WARS1: variants seen among roughly 807,000 people sequenced by gnomAD.
WARS1 encodes the protein tryptophan--tRNA ligase, cytoplasmic.
A neutral mutation model predicts 47.8 loss-of-function variants in WARS1; 17 were observed. The observed-to-expected ratio is 0.36, with a 90% CI of 0.24 to 0.53. The LOEUF is 0.53. Among genes scored for constraint, WARS1 ranks in the 20% least tolerant of loss-of-function variants. WARS1 has a pLI of 0.91. For synonymous variants in WARS1, 208 were observed against 228.1 expected, an observed-to-expected ratio of 0.91 and a Z score of 0.79; for missense variants, 434 against 608.0, an observed-to-expected ratio of 0.71 and a Z score of 3.01.
At chr14:100,350,399 G>GAAAAAAAAAAAAAA (rs56393656) in intron 6 of WARS1, among the ~76,000 whole-genome samples, 2 of 112,134 alleles carry the variant, frequency 1.8e-5, no homozygotes, top group Admixed American at 1.1e-4. Flanking sequence ...CTCAAAAAAA[G>GAAAAAAAAAAAAAA]AAAAAAAAAA....
intron 6 of WARS1, among the ~76,000 whole-genome samples, chr14:100,351,361 T>C (rs1282618791): frequency 6.6e-6 from 1 of 152,086 alleles, no homozygotes; most frequent in African/African-American, 2.4e-5. Flanking sequence ...ATGAAAATTA[T>C]ACTAACACGG....
rs138608809 is a variant in WARS1, at chr14:100,373,906, A to T, written c.-74+1377T>A. On this transcript the variant is annotated intron_variant, in intron 1 of 10. Coordinates refer to ENST00000392882, the MANE Select transcript of WARS1 (RefSeq NM_004184.4). This position sits in a 1 kb window ranked among gnomAD's most constrained non-coding sequence, Gnocchi z 4.4. ...GTGTGGTCAGAGACAAGGAGAATGG[A>T]ACTACCATCTTCCTCATTTCACGCA... The T allele has an allele frequency of 2.6e-5, 4 of 151,760 alleles. No individual in the cohort carries two copies. Among genetic ancestry groups the T allele is most frequent in the African/African-American group, 9.7e-5 (4 of 41,312 alleles). 9.4% of individuals were successfully genotyped at this position (151,760 alleles called of 1,614,324 possible).
In WARS1 at chr14:100,361,861, C is replaced by A. The variant is rs2234521; in HGVS notation, c.160G>T (p.Ala54Ser). ...VSLKMSYKAA[A>S]GEDYKADCPP... is the part of the protein sequence containing the mutation. ...CAGTCAGCCTTGTAATCCTCCCCCG[C>A]GGCAGCTTTGTAGCTCATTTTTAAT... The change falls in exon 3 of 11, where the codon GCG becomes TCG. Residue 54 changes from alanine to serine, a missense_variant. Ala to Ser is a moderately conservative substitution (Grantham distance 99). This residue lies in a region of WARS1 where 87 missense variants were observed against 84.2 expected (regional missense o/e 1.03). Coordinates refer to ENST00000392882, the MANE Select transcript of WARS1 (RefSeq NM_004184.4). 471 of 1,614,174 alleles carry A rather than the reference C, an allele frequency of 2.9e-4. 2 individuals carry two copies. The East Asian group carries it at 7.5e-3, about 26-fold the overall frequency.
At chr14:100,368,309 C>A in intron 2 of WARS1, 2 of 387,896 alleles carry the variant, frequency 5.2e-6, no homozygotes, top group South Asian at 1.9e-5. Context: ...TCATTCTATC[C>A]GTGATGGTTC....
chr14:100,356,870 G>A lies in WARS1; in HGVS notation c.423-2304C>T, dbSNP rs369414154. 5.9e-5 allele frequency among the ~76,000 whole-genome samples: 9 copies of A among 152,250 alleles called. No individual in the cohort carries two copies. The East Asian group carries it at 1.2e-3, about 20-fold the overall frequency. On this transcript the variant is annotated intron_variant, in intron 4 of 10. Transcript: ENST00000392882. Reference sequence around the variant, plus strand: ...ACCAATATCCCTTATGAACACAGATGTAAAAATCCTCAGCAACTCACAAAC... The same window carrying A: ...ACCAATATCCCTTATGAACACAGATATAAAAATCCTCAGCAACTCACAAAC...
At chr14:100,366,755 C>T in intron 2 of WARS1, 1 of 929,734 alleles carries the variant, frequency 1.1e-6, no homozygotes, top group Non-Finnish European at 1.8e-6. Context: ...GCTAAGGGAT[C>T]CGTGGGGCCA....
At chr14:100,337,342 G>A (rs542044369) in intron 9 of WARS1, 140 bp from the exon 10 acceptor site, 80 of 1,272,952 alleles carry the variant, frequency 6.3e-5, no homozygotes, top group East Asian at 2.9e-4. Flanking sequence ...GCGCACAGCC[G>A]GTTGGGGGCG....
rs765085014 is a variant in WARS1, at chr14:100,342,509, C to A, written c.1002G>T (p.Leu334=). The change falls in exon 9 of 11, where the codon CTG becomes CTT. Residue 334 remains leucine (L), a synonymous_variant. Transcript: ENST00000392882. The part of the protein sequence containing the change: ...APRIGYPKPA[L]LHSTFFPALQ... ...GGGCTGGGAAGAAGGTGGAGTGCAG[C>A]AGGGCTGGTTTAGGATAGCCGATCC... 5.6e-6 allele frequency: 9 copies of A among 1,613,716 alleles called. No individual in the cohort carries two copies. Among genetic ancestry groups the A allele is most frequent in the Non-Finnish European group, 7.6e-6 (9 of 1,180,004 alleles).
At chr14:100,350,668 A>G (rs1894921490) in intron 6 of WARS1, among the ~76,000 whole-genome samples, 1 of 152,140 alleles carries the variant, frequency 6.6e-6, no homozygotes, top group African/African-American at 2.4e-5. Context: ...ATATCCATCA[A>G]CGAAGCGGCT....
chr14:100,339,594 A>T, intron 9 of WARS1, among the ~76,000 whole-genome samples: 1 of 150,898 alleles, frequency 6.6e-6, no homozygotes, highest in Non-Finnish European at 1.5e-5. Flanking sequence ...CCGTCTCAAA[A>T]AAAAAAAAAA....
rs748348957 is a variant in WARS1 at position 100,354,415 on chromosome 14, G to C, written c.542+32C>G. 2.5e-6 allele frequency: 4 copies of C among 1,604,698 alleles called. No homozygotes were observed. The East Asian group carries it at 8.9e-5, about 36-fold the overall frequency. ...AAGCAACATTCTCAATTCACTAAGA[G>C]AGTAAGAAAAGCCATAAGATCCAAT... On this transcript the variant is annotated intron_variant, in intron 5 of 10. Transcript: ENST00000392882.
chr14:100,337,335 C>G (rs1335149391), intron 9 of WARS1, 133 bp from the exon 10 acceptor site: 4 of 1,369,524 alleles, frequency 2.9e-6, no homozygotes, highest in Non-Finnish European at 4.0e-6. Context: ...GGCCAAGGCG[C>G]ACAGCCGGTT....
intron 1 of WARS1, chr14:100,370,364 CAGGCTCTT>C (rs1440026240): frequency 6.6e-6 from 1 of 152,166 alleles, no homozygotes; most frequent in Non-Finnish European, 1.5e-5. Flanking sequence ...TCATCTACCC[CAGGCTCTT>C]ATGAGAACAA....
Position 100,334,819 on chromosome 14 carries a change from A to C in WARS1, c.*56T>G. 1 of 1,588,388 alleles carries C rather than the reference A, an allele frequency of 6.3e-7. No individual in the cohort carries two copies. Among genetic ancestry groups the C allele is most frequent in the Non-Finnish European group, 8.6e-7 (1 of 1,163,594 alleles). ...GTGGCGGTGCTTTGACTGGGCTGGG[A>C]TTATTGATACATTACTGATACATCA... is the stretch of plus-strand genomic sequence containing the variant. On this transcript the variant is annotated 3_prime_UTR_variant, in exon 11 of 11. Coordinates refer to ENST00000392882, the MANE Select transcript of WARS1 (RefSeq NM_004184.4).
At chr14:100,346,275 G>A (rs1037221639) in intron 7 of WARS1, among the ~76,000 whole-genome samples, 1 of 152,184 alleles carries the variant, frequency 6.6e-6, no homozygotes, top group African/African-American at 2.4e-5. Context: ...GAAGGCTCCA[G>A]AAGACCTCGT....
chr14:100,338,349 T>C (rs1020126297), intron 9 of WARS1, among the ~76,000 whole-genome samples: 40 of 152,108 alleles, frequency 2.6e-4, no homozygotes, highest in African/African-American at 9.2e-4. Flanking sequence ...CACTGCAGCC[T>C]TGACCTCCTG....
At position 100,342,442 on chromosome 14, in the gene WARS1, A is replaced by T. The variant is rs750693788; in HGVS notation, c.1069T>A (p.Ser357Thr). Residue 357 changes from serine (S) to threonine (T), a missense_variant, in exon 9 of 11, where the codon TCC becomes ACC. Transcript: ENST00000392882. ...GCCGTGTCGGTGAGGAAGATGGAGG[A>T]GTTGGGGTCGCTGGCACTCATTTTG... ...QTKMSASDPN[S>T]SIFLTDTAKQ... 1.2e-6 allele frequency: 2 copies of T among 1,613,868 alleles called. No homozygotes were observed. The highest frequency in any genetic ancestry group is 1.7e-6 in the Non-Finnish European group (2 of 1,179,952).
At chr14:100,368,206 T>C (rs768171398) in intron 2 of WARS1, among the ~76,000 whole-genome samples, 5 of 152,212 alleles carry the variant, frequency 3.3e-5, no homozygotes, top group Admixed American at 6.5e-5. Flanking sequence ...ACATTATCAT[T>C]AGTATCATTG....
intron 2 of WARS1, among the ~76,000 whole-genome samples, chr14:100,367,316 G>A (rs1177679297): frequency 2.0e-5 from 3 of 152,144 alleles, no homozygotes; most frequent in South Asian, 4.1e-4. Context: ...CAGGCTGAGT[G>A]TGGTGGCTCA....
Sources: allele counts gnomAD v4.1 joint callset (sites outside exome capture counted in the v4.1 genomes callset), GRCh38; gene constraint gnomAD v4.1.1; regional missense constraint gnomAD v4.1.1; non-coding constraint Gnocchi (gnomAD v3.1); transcripts MANE v1.5; gene names NCBI Gene and HGNC (gene_info 2026-07-23, HGNC 2026-07-21).